Variants in CHUK observed in about 807,000 individuals in gnomAD.
The protein encoded by CHUK is inhibitor of nuclear factor kappa-B kinase subunit alpha.
In CHUK, 35 loss-of-function variants were observed where a neutral mutation model predicts 104.8. That is an observed-to-expected ratio of 0.33 (90% CI 0.26 to 0.44). The LOEUF (loss-of-function observed/expected upper bound fraction) is 0.44. Among genes scored for constraint, CHUK ranks in the 20% least tolerant of loss-of-function variants. The probability of loss-of-function intolerance (pLI) is 1.00; values close to 1 mark genes in which losing one functional copy is unlikely to be tolerated. For synonymous variants in CHUK, 276 were observed against 291.9 expected (o/e 0.95, Z 0.56); for missense variants, 663 against 902.7 (o/e 0.73, Z 3.40).
rs538895192 is a variant in CHUK at position 100,205,616 on chromosome 10, C to G, written c.1232-417G>C. Among the ~76,000 whole-genome samples the G allele has an allele frequency of 3.3e-5, 5 of 152,202 alleles. No homozygotes were observed. The South Asian group carries it at 1.0e-3, about 32-fold the overall frequency. Reference sequence around the variant, plus strand: ...GAATAATAAATTTCATATTCTGGACCAACAATCCAGGTTTAAGAATACACA... The same window carrying G: ...GAATAATAAATTTCATATTCTGGACGAACAATCCAGGTTTAAGAATACACA... On this transcript the variant is annotated intron_variant, in intron 11 of 20. Coordinates refer to ENST00000370397, the MANE Select transcript of CHUK (RefSeq NM_001278.5).
In CHUK at chr10:100,193,415, C is replaced by T. The variant is rs766350896; in HGVS notation, c.1991G>A (p.Arg664Gln). 11 of 1,613,960 alleles carry T rather than the reference C, an allele frequency of 6.8e-6. No individual in the cohort carries two copies. The highest frequency in any genetic ancestry group is 7.6e-6 in the Non-Finnish European group (9 of 1,179,956). ...LKIACTQSSA[R>Q]SLVGSSLEGA... is the part of the protein sequence containing the mutation. ...TTCTAGACTGGATCCTACAAGGGACCGGGCAGAACTCTGTGTCTGAAGGAA... is the reference window on the plus strand; with the variant it reads ...TTCTAGACTGGATCCTACAAGGGACTGGGCAGAACTCTGTGTCTGAAGGAA... Residue 664 changes from arginine to glutamine, a missense_variant, in exon 19 of 21, where the codon CGG becomes CAG. Arg to Gln is a conservative substitution (Grantham distance 43, BLOSUM62 1). Coordinates refer to ENST00000370397, the MANE Select transcript of CHUK (RefSeq NM_001278.5).
rs141877809 is a variant in CHUK, at chr10:100,218,009, T to C, written c.919A>G (p.Ile307Val). Residue 307 changes from isoleucine to valine, a missense_variant, in exon 9 of 21, where the codon ATT (isoleucine) becomes GTT (valine). Ile to Val is a conservative substitution (Grantham distance 29, BLOSUM62 3). This residue lies in a region of CHUK where 93 missense variants were observed against 95.9 expected (regional missense o/e 0.97). Transcript: ENST00000370397. The part of the protein sequence containing the change: ...QPRCFVLMDH[I>V]LNLKIVHILN... Reference sequence around the variant, plus strand: ...TTAAGACTAACCTTCAAATTCAAAATGTGATCCATTAATACAAAACATCTT... The same window carrying C: ...TTAAGACTAACCTTCAAATTCAAAACGTGATCCATTAATACAAAACATCTT... 3.3e-4 allele frequency: 537 copies of C among 1,614,136 alleles called. 2 individuals are homozygous for C. In the African/African-American group the frequency reaches 6.7e-3, roughly 20 times the overall value.
chr10:100,225,474 C>T (rs1468661222), intron 2 of CHUK, among the ~76,000 whole-genome samples: 4 of 152,170 alleles, frequency 2.6e-5, no homozygotes, highest in African/African-American at 9.7e-5. Flanking sequence ...CATGAATATA[C>T]CACATTTTGT....
chr10:100,223,610 T>A (rs898832236), intron 2 of CHUK, among the ~76,000 whole-genome samples: 17 of 147,232 alleles, frequency 1.2e-4, no homozygotes, highest in Admixed American at 1.1e-3. Context: ...ACATCTCTTT[T>A]AAAAAAAAAA....
rs1845769086 is a variant in CHUK at position 100,213,174 on chromosome 10, A to G, written c.934-3385T>C. 2.6e-5 allele frequency among the ~76,000 whole-genome samples: 4 copies of G among 151,456 alleles called. No individual in the cohort carries two copies. In the South Asian group the frequency reaches 8.4e-4, roughly 32 times the overall value. On this transcript the variant is annotated intron_variant, in intron 9 of 20. Transcript: ENST00000370397. The stretch of plus-strand genomic sequence containing the variant: ...CACTATTTACCCCATTAATTTGTAT[A>G]ATTATTTGTCAATTTAAAAAATTAG...
chr10:100,193,470 A>G, intron 18 of CHUK, 39 bp from the exon 19 acceptor site: 2 of 1,612,442 alleles, frequency 1.2e-6, no homozygotes, highest in Non-Finnish European at 1.7e-6. Context: ...ATTACAGGCA[A>G]GCATCTCTGT....
At chr10:100,218,634 CA>C in intron 8 of CHUK, 83 bp downstream of exon 8, 3 of 896,560 alleles carry the variant, frequency 3.3e-6, no homozygotes, top group Non-Finnish European at 5.6e-6. Context: ...CTGGATAATG[CA>C]ACTTGAAACA....
At chr10:100,223,060 T>G (rs1439864575) in intron 2 of CHUK, 80 bp from the exon 3 acceptor site, 4 of 732,218 alleles carry the variant, frequency 5.5e-6, no homozygotes, top group Non-Finnish European at 9.9e-6. Flanking sequence ...TACTTAATTG[T>G]GGGTGGATGA....
At chr10:100,217,796 G>A (rs1845892649) in intron 9 of CHUK, among the ~76,000 whole-genome samples, 199 bp downstream of exon 9, 1 of 152,210 alleles carries the variant, frequency 6.6e-6, no homozygotes, top group South Asian at 2.1e-4. Context: ...AGAATCGCTT[G>A]AACCTGGGAG....
Position 100,193,345 on chromosome 10 carries a change from T to C in CHUK, c.2061A>G (p.Ser687=). 1 of 1,614,158 alleles carries C rather than the reference T, an allele frequency of 6.2e-7. No individual in the cohort carries two copies. The part of the protein sequence containing the change: ...PQTSAWLPPT[S]AEHDHSLSCV... ...ATGACAGAGAATGATCATGTTCTGCTGAAGTCGGGGGCAGCCATGCTGATG... is the reference window on the plus strand; with the variant it reads ...ATGACAGAGAATGATCATGTTCTGCCGAAGTCGGGGGCAGCCATGCTGATG... The change falls in exon 19 of 21, where the codon TCA becomes TCG. Residue 687 remains serine (S), a synonymous_variant. Transcript: ENST00000370397.
intron 9 of CHUK, among the ~76,000 whole-genome samples, 156 bp from the exon 10 acceptor site, chr10:100,209,945 A>G (rs1284295427): frequency 1.3e-5 from 2 of 152,208 alleles, no homozygotes; most frequent in South Asian, 2.1e-4. Context: ...TTATAATTAT[A>G]AAATGACATT....
At chr10:100,192,199 A>G (rs1251281673) in intron 19 of CHUK, among the ~76,000 whole-genome samples, 1 of 152,240 alleles carries the variant, frequency 6.6e-6, no homozygotes, top group Admixed American at 6.5e-5. Context: ...CTACACTTCA[A>G]ATTGGAAATT....
chr10:100,219,171 G>A (rs1274688640), intron 6 of CHUK, 39 bp from the exon 7 acceptor site: 3 of 1,607,158 alleles, frequency 1.9e-6, no homozygotes, highest in Non-Finnish European at 2.6e-6. Flanking sequence ...AACACTGTAT[G>A]GGAAAAGCTA....
At chr10:100,222,842 C>T (rs1471526824) in intron 3 of CHUK, 24 bp downstream of exon 3, 2 of 1,083,654 alleles carry the variant, frequency 1.8e-6, no homozygotes, top group Non-Finnish European at 2.9e-6. Flanking sequence ...TTTACTCTCT[C>T]TCATCTCAAA....
At chr10:100,192,127 T>C (rs1169819202) in intron 19 of CHUK, among the ~76,000 whole-genome samples, 1 of 152,112 alleles carries the variant, frequency 6.6e-6, no homozygotes, top group Non-Finnish European at 1.5e-5. Flanking sequence ...CAAAACAAAA[T>C]ATAATGTGTT....
At chr10:100,226,114 C>T in intron 1 of CHUK, 97 bp from the exon 2 acceptor site, 1 of 739,878 alleles carries the variant, frequency 1.4e-6, no homozygotes, top group Middle Eastern at 3.3e-4. Flanking sequence ...AACTTTTTAG[C>T]TTTACTAATT....
rs750126982 is a variant in CHUK, at chr10:100,200,651, C to T, written c.1679+20G>A. The T allele has an allele frequency of 8.9e-7, 1 of 1,127,366 alleles. No homozygotes were observed. The highest frequency in any genetic ancestry group is 1.2e-5 in the South Asian group (1 of 81,344). 69.8% of individuals were successfully genotyped at this position (1,127,366 alleles called of 1,614,324 possible). ...AAAATATTACAGATGTCAAGACCAA[C>T]AACACAAGTGCATCCTTACAGAGAT... On this transcript the variant is annotated intron_variant, in intron 15 of 20. Transcript: ENST00000370397.
chr10:100,189,520 T>A lies in CHUK; in HGVS notation c.*78A>T, dbSNP rs1341443716. 1 of 1,143,868 alleles carries A rather than the reference T, an allele frequency of 8.7e-7. No homozygotes were observed. Among genetic ancestry groups the A allele is most frequent in the African/African-American group, 1.5e-5 (1 of 65,944 alleles). 70.9% of individuals were successfully genotyped at this position (1,143,868 alleles called of 1,614,324 possible). ...CCATTGACTGATGTCTGAAGAATGGTTTCATGGGGGAAAAACACATTTCCA... is the reference window on the plus strand; with the variant it reads ...CCATTGACTGATGTCTGAAGAATGGATTCATGGGGGAAAAACACATTTCCA... On this transcript the variant is annotated 3_prime_UTR_variant, in exon 21 of 21. Coordinates refer to ENST00000370397, the MANE Select transcript of CHUK (RefSeq NM_001278.5).
At chr10:100,221,435 AAAAC>A (rs1166757049) in intron 4 of CHUK, among the ~76,000 whole-genome samples, 1 of 152,078 alleles carries the variant, frequency 6.6e-6, no homozygotes, top group Non-Finnish European at 1.5e-5. Context: ...ACTCCGTCTC[AAAAC>A]AAACAAACAA....
Sources: allele counts gnomAD v4.1 joint callset (sites outside exome capture counted in the v4.1 genomes callset), GRCh38; gene constraint gnomAD v4.1.1; regional missense constraint gnomAD v4.1.1; transcripts MANE v1.5; gene names NCBI Gene and HGNC (gene_info 2026-07-23, HGNC 2026-07-21).